TFCP2L1: variants seen among roughly 807,000 people sequenced by gnomAD.
TFCP2L1 encodes transcription factor CP2-like protein 1.
A neutral mutation model predicts 72.2 loss-of-function variants in TFCP2L1; 12 were observed. The observed-to-expected ratio is 0.17, with a 90% CI of 0.11 to 0.27. The LOEUF (loss-of-function observed/expected upper bound fraction) is 0.27. TFCP2L1 is among the 10% of genes least tolerant of loss of function. The pLI is 1.00. For missense variants in TFCP2L1, 488 were observed against 624.6 expected, an observed-to-expected ratio of 0.78 and a Z score of 2.33; for synonymous variants, 260 against 251.0, an observed-to-expected ratio of 1.04 and a Z score of -0.34.
At chr2:121,267,899 G>A (rs1474861327) in intron 2 of TFCP2L1, among the ~76,000 whole-genome samples, 1 of 152,164 alleles carries the variant, frequency 6.6e-6, no homozygotes, top group Non-Finnish European at 1.5e-5. Flanking sequence ...CAACAAAGAA[G>A]TCCAGGCATG....
At chr2:121,260,443 T>C (rs1013647645) in intron 2 of TFCP2L1, among the ~76,000 whole-genome samples, 1 of 152,166 alleles carries the variant, frequency 6.6e-6, no homozygotes, top group Non-Finnish European at 1.5e-5. Flanking sequence ...GTATTAATAG[T>C]AAGTACTCAG....
intron 7 of TFCP2L1, 36 bp downstream of exon 7, chr2:121,242,323 C>T (rs372916017): frequency 2.5e-5 from 39 of 1,582,974 alleles, no homozygotes; most frequent in Non-Finnish European, 2.6e-6. Flanking sequence ...GGTGGAAGAC[C>T]CTTGGAGGCT....
chr2:121,282,624 G>C (rs1687287725), intron 1 of TFCP2L1, among the ~76,000 whole-genome samples: 1 of 152,102 alleles, frequency 6.6e-6, no homozygotes, highest in Non-Finnish European at 1.5e-5. Flanking sequence ...CTACAGGCAG[G>C]CAAGGCTTGT....
At chr2:121,270,409 T>C (rs1366666151) in intron 2 of TFCP2L1, among the ~76,000 whole-genome samples, 5 of 152,222 alleles carry the variant, frequency 3.3e-5, no homozygotes, top group Admixed American at 6.5e-5. Context: ...ACAACTTCAC[T>C]GGAAGGCAAT....
At chr2:121,268,498 C>T (rs1255116352) in intron 2 of TFCP2L1, among the ~76,000 whole-genome samples, 3 of 152,042 alleles carry the variant, frequency 2.0e-5, no homozygotes, top group East Asian at 1.9e-4. Context: ...GGACCACAGG[C>T]GTGCACCACC....
rs182320442 is a variant in TFCP2L1, at chr2:121,269,454, C to G, written c.214+11666G>C. Among the ~76,000 whole-genome samples, 14 of 149,436 alleles carry G rather than the reference C, an allele frequency of 9.4e-5. No homozygotes were observed. In the East Asian group the frequency reaches 2.4e-3, roughly 26 times the overall value. On this transcript the variant is annotated intron_variant, in intron 2 of 14. Coordinates refer to ENST00000263707, the MANE Select transcript of TFCP2L1 (RefSeq NM_014553.3). The stretch of plus-strand genomic sequence containing the variant: ...CAGAGGTGAGACCCTGTCAAAACAA[C>G]AACAACAAAAAAACTTTTATTATGG...
At chr2:121,268,254 T>C (rs1024225633) in intron 2 of TFCP2L1, among the ~76,000 whole-genome samples, 14 of 152,290 alleles carry the variant, frequency 9.2e-5, no homozygotes, top group Non-Finnish European at 1.9e-4. Context: ...TGTTTTTTTC[T>C]TTTAAACCTT....
Position 121,224,454 on chromosome 2 carries a change from C to G in TFCP2L1, c.1394-67G>C, listed in dbSNP as rs1685983085. Reference sequence around the variant, plus strand: ...GTGCAGTGCCACAGTATTGGGGAGTCCCAAAAGGCACGCTGTTAGGGTATC... The same window carrying G: ...GTGCAGTGCCACAGTATTGGGGAGTGCCAAAAGGCACGCTGTTAGGGTATC... On this transcript the variant is annotated intron_variant, in intron 14 of 14. Transcript: ENST00000263707. The G allele has an allele frequency of 9.1e-6, 14 of 1,544,816 alleles. 1 individual carries two copies. In the South Asian group the frequency reaches 1.4e-4, roughly 15 times the overall value.
chr2:121,238,333 A>G (rs985861317), intron 8 of TFCP2L1, among the ~76,000 whole-genome samples: 1 of 152,196 alleles, frequency 6.6e-6, no homozygotes, highest in South Asian at 2.1e-4. Flanking sequence ...TTTTGCAGTG[A>G]ACAAGCACCC....
intron 13 of TFCP2L1, among the ~76,000 whole-genome samples, chr2:121,227,837 T>G (rs1686060929): frequency 6.6e-6 from 1 of 152,082 alleles, no homozygotes; most frequent in Non-Finnish European, 1.5e-5. Flanking sequence ...CTGCCTCGAA[T>G]CTTGCAAATC....
At chr2:121,242,607 T>C in intron 6 of TFCP2L1, 138 bp from the exon 7 acceptor site, 1 of 751,578 alleles carries the variant, frequency 1.3e-6, no homozygotes, top group Non-Finnish European at 2.3e-6. Context: ...CTATCTCCCC[T>C]CCCATTCTGC....
intron 2 of TFCP2L1, among the ~76,000 whole-genome samples, chr2:121,274,094 C>CAAAA (rs569943932): frequency 1.6e-5 from 1 of 60,798 alleles, no homozygotes; most frequent in African/African-American, 5.9e-5. Flanking sequence ...ACTCTGTCTC[C>CAAAA]AAAAAAAAAA....
intron 13 of TFCP2L1, 125 bp from the exon 14 acceptor site, chr2:121,225,738 A>G (rs1686016567): frequency 3.0e-6 from 3 of 984,072 alleles, no homozygotes; most frequent in Non-Finnish European, 4.8e-6. Context: ...CACGGTGCCC[A>G]CACACACAGG....
At chr2:121,283,595 A>C (rs1424086507) in intron 1 of TFCP2L1, among the ~76,000 whole-genome samples, 1 of 152,228 alleles carries the variant, frequency 6.6e-6, no homozygotes, top group Non-Finnish European at 1.5e-5. Flanking sequence ...CCATCTCGGT[A>C]GCAGATGTCA....
intron 2 of TFCP2L1, among the ~76,000 whole-genome samples, chr2:121,253,358 C>T (rs1686649223): frequency 6.6e-6 from 1 of 152,242 alleles, no homozygotes; most frequent in Non-Finnish European, 1.5e-5. Context: ...AAAGGTCTTG[C>T]TTCCCTATTC....
Position 121,219,173 on chromosome 2 carries a change from A to C in TFCP2L1, c.*5168T>G, listed in dbSNP as rs1685885423. ...CCACTTACACTGTCTAGAAAAGCTA[A>C]GGCCACCAGCTTCATCCACTCTCCA... is the stretch of plus-strand genomic sequence containing the variant. On this transcript the variant is annotated 3_prime_UTR_variant, in exon 15 of 15. Coordinates refer to ENST00000263707, the MANE Select transcript of TFCP2L1 (RefSeq NM_014553.3). 6.6e-6 allele frequency: 1 copy of C among 152,268 alleles called. No homozygotes were observed. Among genetic ancestry groups the C allele is most frequent in the African/African-American group, 2.4e-5 (1 of 41,450 alleles). The allele number at this position is 152,268 out of a possible 1,614,324, so 9.4% of individuals were successfully genotyped here.
chr2:121,268,224 G>A (rs1311430371), intron 2 of TFCP2L1, among the ~76,000 whole-genome samples: 5 of 152,196 alleles, frequency 3.3e-5, no homozygotes, highest in African/African-American at 9.7e-5. Flanking sequence ...TTCACATTTT[G>A]GAAAGCGTTT....
chr2:121,269,415 T>C (rs1432650856), intron 2 of TFCP2L1, among the ~76,000 whole-genome samples: 10 of 151,552 alleles, frequency 6.6e-5, no homozygotes, highest in Non-Finnish European at 4.4e-5. Flanking sequence ...ACCACTGCAC[T>C]CTAGCCTGGG....
intron 2 of TFCP2L1, among the ~76,000 whole-genome samples, chr2:121,280,583 C>A (rs147623117): frequency 6.6e-6 from 1 of 151,652 alleles, no homozygotes; most frequent in African/African-American, 2.4e-5. Flanking sequence ...CATAGTGAGA[C>A]CCCCCCAGCT....
Sources: allele counts gnomAD v4.1 joint callset (sites outside exome capture counted in the v4.1 genomes callset), GRCh38; gene constraint gnomAD v4.1.1; transcripts MANE v1.5; gene names NCBI Gene and HGNC (gene_info 2026-07-23, HGNC 2026-07-21).